ROBO1: variants seen among roughly 807,000 people sequenced by gnomAD.
The protein encoded by ROBO1 is roundabout homolog 1.
In ROBO1, 149 loss-of-function variants were observed where a neutral mutation model predicts 195.9. The observed-to-expected ratio is 0.76, with a 90% CI of 0.67 to 0.87. The LOEUF (loss-of-function observed/expected upper bound fraction) is 0.87. Among genes scored for constraint, ROBO1 ranks in the 40% least tolerant of loss-of-function variants. The pLI, the probability that ROBO1 is intolerant of heterozygous loss-of-function variation, is 0.00. For synonymous variants in ROBO1, 816 were observed against 733.2 expected, an observed-to-expected ratio of 1.11 and a Z score of -1.82; for missense variants, 1,933 against 2,068.3, an observed-to-expected ratio of 0.93 and a Z score of 1.27.
intron 1 of ROBO1, among the ~76,000 whole-genome samples, chr3:79,668,124 T>C (rs72893993): frequency 0.04 from 6,043 of 151,976 alleles, 319 homozygotes; most frequent in African/African-American, 0.12. Flanking sequence ...ATATATGTTA[T>C]GATAAATTCT....
chr3:79,453,181 A>C (rs75208842), intron 2 of ROBO1, among the ~76,000 whole-genome samples: 5,217 of 152,096 alleles, frequency 0.034, 205 homozygotes, highest in African/African-American at 0.098. Context: ...TTCAGTGAAT[A>C]GAGGCTGCAT....
At chr3:79,296,250 G>C (rs186032966) in intron 2 of ROBO1, among the ~76,000 whole-genome samples, 1 of 152,232 alleles carries the variant, frequency 6.6e-6, no homozygotes, top group Admixed American at 6.5e-5. Flanking sequence ...ATTACCTTAA[G>C]AGTTAAAATG....
chr3:78,988,468 C>T (rs1179736871), intron 3 of ROBO1, among the ~76,000 whole-genome samples: 1 of 152,104 alleles, frequency 6.6e-6, no homozygotes, highest in Non-Finnish European at 1.5e-5. Flanking sequence ...TCTAACATTT[C>T]CCTTAGAAGG....
At chr3:79,000,779 C>G (rs1305950202) in intron 3 of ROBO1, among the ~76,000 whole-genome samples, 1 of 152,050 alleles carries the variant, frequency 6.6e-6, no homozygotes, top group East Asian at 1.9e-4. Context: ...GGGTATATAC[C>G]CAAAGGATTA....
chr3:78,674,328 T>C (rs112428119), intron 10 of ROBO1, among the ~76,000 whole-genome samples: 1 of 152,120 alleles, frequency 6.6e-6, no homozygotes, highest in African/African-American at 2.4e-5. Context: ...TTGCAAACAG[T>C]AAAGAAGGTC....
intron 21 of ROBO1, among the ~76,000 whole-genome samples, chr3:78,645,912 CT>C (rs1173414629): frequency 2.6e-5 from 4 of 152,068 alleles, no homozygotes; most frequent in African/African-American, 9.7e-5. Flanking sequence ...AAGTCTCTTT[CT>C]CAGTTAAAGT....
At chr3:78,951,960 T>C (rs72906170) in intron 3 of ROBO1, among the ~76,000 whole-genome samples, 2,887 of 152,006 alleles carry the variant, frequency 0.019, 105 homozygotes, top group African/African-American at 0.065. Context: ...TAAACATATG[T>C]ATTAAAAGAA....
intron 4 of ROBO1, among the ~76,000 whole-genome samples, chr3:78,817,125 A>G (rs531101932): frequency 6.6e-6 from 1 of 152,128 alleles, no homozygotes; most frequent in South Asian, 2.1e-4. Flanking sequence ...GCTACAGAAA[A>G]ATCTTTAGGG....
At chr3:79,681,860 T>C (rs1026323596) in intron 1 of ROBO1, among the ~76,000 whole-genome samples, 5 of 151,880 alleles carry the variant, frequency 3.3e-5, no homozygotes, top group African/African-American at 9.7e-5. Context: ...TCAGAAACAG[T>C]ACGTAATATT....
intron 3 of ROBO1, among the ~76,000 whole-genome samples, chr3:79,089,982 C>A: frequency 6.7e-6 from 1 of 148,926 alleles, no homozygotes; most frequent in Non-Finnish European, 1.5e-5. Flanking sequence ...CTCTGTTGCC[C>A]AGGCTGGAGT....
At chr3:79,613,990 C>T (rs1289386638) in intron 1 of ROBO1, among the ~76,000 whole-genome samples, 3 of 151,674 alleles carry the variant, frequency 2.0e-5, no homozygotes, top group African/African-American at 7.3e-5. Flanking sequence ...GTGTATACAC[C>T]TAACAACAGA....
chr3:79,045,518 T>C (rs989760574), intron 3 of ROBO1, among the ~76,000 whole-genome samples: 3 of 151,990 alleles, frequency 2.0e-5, no homozygotes, highest in Non-Finnish European at 4.4e-5. Flanking sequence ...TATATAGAGA[T>C]GATAGAGATA....
chr3:79,230,149 T>A (rs943804161), intron 2 of ROBO1, among the ~76,000 whole-genome samples: 1 of 152,144 alleles, frequency 6.6e-6, no homozygotes, highest in Non-Finnish European at 1.5e-5. Flanking sequence ...TACCCATAAA[T>A]GCATGTCACT....
At chr3:78,633,904 AAGG>A (rs1328233835) in intron 24 of ROBO1, 28 bp downstream of exon 24, 5 of 1,448,822 alleles carry the variant, frequency 3.5e-6, no homozygotes, top group East Asian at 2.3e-5. Context: ...CAGCTTTTTA[AAGG>A]AGAAGTTCTT....
At chr3:79,293,054 C>A (rs549019608) in intron 2 of ROBO1, among the ~76,000 whole-genome samples, 1 of 152,186 alleles carries the variant, frequency 6.6e-6, no homozygotes, top group South Asian at 2.1e-4. Context: ...GAATTTCAGA[C>A]CTTGTTATTG....
chr3:79,397,985 CAGTT>C (rs58425071), intron 2 of ROBO1, among the ~76,000 whole-genome samples: 3,325 of 152,210 alleles, frequency 0.022, 102 homozygotes, highest in African/African-American at 0.074. Flanking sequence ...TAGCTACTAG[CAGTT>C]AGTTAGAAAG....
intron 2 of ROBO1, among the ~76,000 whole-genome samples, chr3:79,421,897 A>C (rs1003896350): frequency 6.6e-6 from 1 of 151,956 alleles, no homozygotes; most frequent in Non-Finnish European, 1.5e-5. Context: ...TATTTTGCAC[A>C]AAACCACATA....
intron 5 of ROBO1, among the ~76,000 whole-genome samples, chr3:78,739,084 T>C (rs1304365186): frequency 1.3e-5 from 2 of 152,124 alleles, no homozygotes; most frequent in Admixed American, 1.3e-4. Flanking sequence ...AATGCTTAAG[T>C]CACAAAGGCT....
At chr3:78,885,436 A>AAC (rs2036499511) in intron 4 of ROBO1, among the ~76,000 whole-genome samples, 1 of 150,084 alleles carries the variant, frequency 6.7e-6, no homozygotes, top group Non-Finnish European at 1.5e-5. Context: ...AAAAAAAAAA[A>AAC]AAAAAACTGA....
Sources: gnomAD v4.1 joint callset for allele counts (sites outside exome capture counted in the v4.1 genomes callset) on GRCh38, gnomAD v4.1.1 for gene constraint, MANE v1.5 for transcripts, NCBI Gene and HGNC (gene_info 2026-07-23, HGNC 2026-07-21) for gene names.